The following GCKR variants were observed in gnomAD, a reference collection of about 807,000 sequenced individuals.
The protein encoded by GCKR is glucokinase regulatory protein.
Under a neutral mutation model 82.9 loss-of-function variants are expected in GCKR, and 73 were observed. That is an observed-to-expected ratio of 0.88 (90% CI 0.73 to 1.07). The LOEUF (loss-of-function observed/expected upper bound fraction) is 1.07, where lower values mean the gene tolerates loss of function less well. Ranked by LOEUF, GCKR falls within the 50% of genes least tolerant of loss-of-function variation. The pLI is 0.00. For missense variants in GCKR, 784 were observed against 782.1 expected (o/e 1.00, Z -0.03); for synonymous variants, 294 against 291.8 (o/e 1.01, Z -0.08).
chr2:27,522,645 G>A, intron 18 of GCKR, 51 bp downstream of exon 18: 1 of 1,509,706 alleles, frequency 6.6e-7, no homozygotes, highest in African/African-American at 1.4e-5. Context: ...AGTACTTTCA[G>A]TGTGTCAGGA....
intron 3 of GCKR, 94 bp downstream of exon 3, chr2:27,497,724 TC>T (rs1473837930): frequency 5.0e-6 from 4 of 799,666 alleles, no homozygotes; most frequent in Non-Finnish European, 8.9e-6. Flanking sequence ...GATCTCATTC[TC>T]CTTTCTCCCT....
chr2:27,511,513 A>G (rs1669881261), intron 16 of GCKR, among the ~76,000 whole-genome samples: 1 of 150,648 alleles, frequency 6.6e-6, no homozygotes, highest in Admixed American at 6.6e-5. Flanking sequence ...CCTGGCCAAC[A>G]TGGTGAAACC....
chr2:27,518,141 G>A (rs1360380218), intron 16 of GCKR, among the ~76,000 whole-genome samples: 1 of 152,190 alleles, frequency 6.6e-6, no homozygotes, highest in Non-Finnish European at 1.5e-5. Context: ...CACCTCCCGG[G>A]TTCAAGTGAT....
chr2:27,517,497 T>G (rs987012620), intron 16 of GCKR, among the ~76,000 whole-genome samples: 1 of 152,090 alleles, frequency 6.6e-6, no homozygotes, highest in Non-Finnish European at 1.5e-5. Flanking sequence ...TCATGAGAAC[T>G]CACTATCCCA....
intron 18 of GCKR, 132 bp downstream of exon 18, chr2:27,522,726 C>A (rs1474929618): frequency 2.5e-6 from 2 of 792,164 alleles, no homozygotes; most frequent in Non-Finnish European, 4.4e-6. Flanking sequence ...TTCATGGGGT[C>A]TTTGGACTGG....
rs555533233 is a variant in GCKR, at chr2:27,510,256, G to A, written c.1422+2005G>A. 9.2e-5 allele frequency among the ~76,000 whole-genome samples: 14 copies of A among 152,128 alleles called. No individual in the cohort carries two copies. In the East Asian group the frequency reaches 1.2e-3, roughly 13 times the overall value. Reference sequence around the variant, plus strand: ...GATCTTCTGAACTTGTGATCCACCCGCCTCAGCCTCCCAAAGTGCTGCGAT... The same window carrying A: ...GATCTTCTGAACTTGTGATCCACCCACCTCAGCCTCCCAAAGTGCTGCGAT... On this transcript the variant is annotated intron_variant, in intron 16 of 18. Transcript: ENST00000264717.
chr2:27,517,862 G>A (rs757616258), intron 16 of GCKR, among the ~76,000 whole-genome samples: 40 of 152,260 alleles, frequency 2.6e-4, no homozygotes, highest in Non-Finnish European at 4.9e-4. Flanking sequence ...GGCAAAGTAG[G>A]AAATGCCCTC....
At chr2:27,505,689 A>T (rs372662935) in intron 9 of GCKR, 29 bp from the exon 10 acceptor site, 11 of 1,255,314 alleles carry the variant, frequency 8.8e-6, no homozygotes, top group Non-Finnish European at 1.3e-5. Context: ...TCCTCTCCCA[A>T]TTCCTCTTGG....
In GCKR at chr2:27,508,345, T is replaced by C. The variant is rs3817588; in HGVS notation, c.1422+94T>C. On this transcript the variant is annotated intron_variant, in intron 16 of 18. Coordinates refer to ENST00000264717, the MANE Select transcript of GCKR (RefSeq NM_001486.4). Reference sequence around the variant, plus strand: ...AACCCAAGGCTGTAGGGCAGAAAGTTTGGAGACCTCTCTGACCCTCACAAA... The same window carrying C: ...AACCCAAGGCTGTAGGGCAGAAAGTCTGGAGACCTCTCTGACCCTCACAAA... 0.19 allele frequency: 162,946 copies of C among 867,660 alleles called. 17,455 individuals are homozygous for C. The highest frequency in any genetic ancestry group is 0.32 in the East Asian group (13,329 of 41,232). 53.7% of individuals were successfully genotyped at this position (867,660 alleles called of 1,614,324 possible).
chr2:27,511,637 G>C (rs989460652), intron 16 of GCKR, among the ~76,000 whole-genome samples: 2 of 151,588 alleles, frequency 1.3e-5, no homozygotes, highest in Admixed American at 6.6e-5. Context: ...AGCTGAGAAC[G>C]CACCATTGCA....
chr2:27,498,416 C>T (rs1284296650), intron 4 of GCKR, 93 bp downstream of exon 4: 3 of 961,988 alleles, frequency 3.1e-6, no homozygotes, highest in East Asian at 4.8e-5. Context: ...TCCCAGGTGG[C>T]CCCCTCACTA....
chr2:27,514,914 A>G (rs1291294705), intron 16 of GCKR, among the ~76,000 whole-genome samples: 2 of 152,128 alleles, frequency 1.3e-5, no homozygotes, highest in African/African-American at 4.8e-5. Context: ...GATTTTGTCA[A>G]CCTGATAGAT....
In GCKR at chr2:27,501,206, C is replaced by G; in HGVS notation, c.621C>G (p.Gly207=). 1 of 1,613,548 alleles carries G rather than the reference C, an allele frequency of 6.2e-7. No homozygotes were observed. The highest frequency in any genetic ancestry group is 8.5e-7 in the Non-Finnish European group (1 of 1,179,426). ...NTAVFLPVLV[G]FNPVSMARND... ...CTGTCTTCTTGCCAGTCCTGGTTGG[C>G]TTCAATCCAGTGAGCATGGCCAGGT... Residue 207 remains glycine, a synonymous_variant, in exon 8 of 19, where the codon GGC becomes GGG. Coordinates refer to ENST00000264717, the MANE Select transcript of GCKR (RefSeq NM_001486.4).
chr2:27,509,053 G>A (rs1444818950), intron 16 of GCKR, among the ~76,000 whole-genome samples: 1 of 152,098 alleles, frequency 6.6e-6, no homozygotes, highest in Non-Finnish European at 1.5e-5. Flanking sequence ...AGCTCTGGAT[G>A]CCGGTCTAGC....
chr2:27,519,141 C>T (rs1012880782), intron 17 of GCKR, among the ~76,000 whole-genome samples: 1 of 152,152 alleles, frequency 6.6e-6, no homozygotes, highest in African/African-American at 2.4e-5. Context: ...AATTATTAGG[C>T]AAGACTCTTT....
chr2:27,517,312 A>G (rs535487334), intron 16 of GCKR, among the ~76,000 whole-genome samples: 165 of 152,260 alleles, frequency 1.1e-3, no homozygotes, highest in African/African-American at 3.9e-3. Flanking sequence ...AGACTGGGTG[A>G]TTTATAAAGG....
chr2:27,501,114 C>T, intron 7 of GCKR, 21 bp from the exon 8 acceptor site: 2 of 1,557,702 alleles, frequency 1.3e-6, no homozygotes, highest in Non-Finnish European at 1.8e-6. Context: ...TCATCATGCC[C>T]TTCTCTCTCT....
Position 27,506,829 on chromosome 2 carries a change from C to A in GCKR, c.1010C>A (p.Thr337Asn). 6.2e-7 allele frequency: 1 copy of A among 1,613,596 alleles called. No individual in the cohort carries two copies. Among genetic ancestry groups the A allele is most frequent in the Non-Finnish European group, 8.5e-7 (1 of 1,179,548 alleles). Reference sequence around the variant, plus strand: ...CACGTGTACCTGGTTGGCTGGCAGACCCTGGGCATCATTGCCATCATGGAT... The same window carrying A: ...CACGTGTACCTGGTTGGCTGGCAGAACCTGGGCATCATTGCCATCATGGAT... ...KGHVYLVGWQTLGIIAIMDGV... is the reference protein window; with the variant it reads ...KGHVYLVGWQNLGIIAIMDGV... Residue 337 changes from threonine to asparagine, a missense_variant, in exon 12 of 19, where the codon ACC becomes AAC. Thr to Asn is a moderately conservative substitution (Grantham distance 65, BLOSUM62 0). Coordinates refer to ENST00000264717, the MANE Select transcript of GCKR (RefSeq NM_001486.4).
intron 16 of GCKR, among the ~76,000 whole-genome samples, chr2:27,516,544 C>T (rs1295235762): frequency 6.6e-6 from 1 of 152,118 alleles, no homozygotes; most frequent in East Asian, 1.9e-4. Flanking sequence ...ATCCACTCAC[C>T]TCAGCCTCCC....
Sources: gnomAD v4.1 joint callset for allele counts (sites outside exome capture counted in the v4.1 genomes callset) on GRCh38, gnomAD v4.1.1 for gene constraint, MANE v1.5 for transcripts, NCBI Gene and HGNC (gene_info 2026-07-23, HGNC 2026-07-21) for gene names.